The following VPS39 variants were observed in gnomAD, a reference collection of about 807,000 sequenced individuals.
The protein encoded by VPS39 is VPS39 subunit of HOPS complex, also known as vam6/Vps39-like protein.
A neutral mutation model predicts 121.0 loss-of-function variants in VPS39; 70 were observed. The ratio of observed to expected loss-of-function variants is 0.58; its 90% CI spans 0.48 to 0.71. The LOEUF (loss-of-function observed/expected upper bound fraction) is 0.71, where lower values mean the gene tolerates loss of function less well. Among genes scored for constraint, VPS39 ranks in the 30% least tolerant of loss-of-function variants. The pLI is 0.00. For missense variants in VPS39, 818 were observed against 1,051.5 expected (o/e 0.78, Z 3.07); for synonymous variants, 378 against 398.1 (o/e 0.95, Z 0.60).
chr15:42,166,040 T>G, intron 16 of VPS39, 119 bp downstream of exon 16: 2 of 1,143,432 alleles, frequency 1.7e-6, no homozygotes, highest in Non-Finnish European at 2.6e-6. Context: ...GTCCACCCTT[T>G]CTTCATGCAC....
intron 2 of VPS39, 28 bp downstream of exon 2, chr15:42,199,868 T>G (rs2140889337): frequency 6.4e-7 from 1 of 1,553,178 alleles, no homozygotes; most frequent in East Asian, 2.4e-5. Context: ...TTAAAACTTA[T>G]TTTTTTGCAT....
At chr15:42,196,321 G>T (rs1199009075) in intron 2 of VPS39, among the ~76,000 whole-genome samples, 3 of 152,068 alleles carry the variant, frequency 2.0e-5, no homozygotes, top group Non-Finnish European at 4.4e-5. Context: ...ATTGACAAAT[G>T]GGATCTAATT....
intron 1 of VPS39, among the ~76,000 whole-genome samples, chr15:42,204,843 C>T (rs902140355): frequency 6.6e-6 from 1 of 151,918 alleles, no homozygotes; most frequent in African/African-American, 2.4e-5. Flanking sequence ...TCCATTGTTT[C>T]TCTGGAAAAT....
At position 42,178,168 on chromosome 15, in the gene VPS39, C is replaced by T. The variant is rs372379712; in HGVS notation, c.960+50G>A. The T allele has an allele frequency of 1.9e-6, 3 of 1,607,188 alleles. 1 individual carries two copies. The South Asian group carries it at 3.3e-5, about 18-fold the overall frequency. ...ATATGAACATTGAAACCCAAATCACCTACTTTCAAGAACAATAAGGAAGGA... is the reference window on the plus strand; with the variant it reads ...ATATGAACATTGAAACCCAAATCACTTACTTTCAAGAACAATAAGGAAGGA... On this transcript the variant is annotated intron_variant, in intron 10 of 24. Transcript: ENST00000318006.
At chr15:42,162,761 G>C in intron 21 of VPS39, 1 of 308,544 alleles carries the variant, frequency 3.2e-6, no homozygotes, top group Non-Finnish European at 5.9e-6. Flanking sequence ...AATTCAAAAA[G>C]ATTCCTCATT....
rs1450626512 is a variant in VPS39 at position 42,166,205 on chromosome 15, G to A, written c.1634C>T (p.Ser545Phe). 2 of 1,614,244 alleles carry A rather than the reference G, an allele frequency of 1.2e-6. No individual in the cohort carries two copies. Among genetic ancestry groups the A allele is most frequent in the Non-Finnish European group, 1.7e-6 (2 of 1,180,042 alleles). Residue 545 changes from serine (S) to phenylalanine (F), a missense_variant, in exon 16 of 25, where the codon TCC becomes TTC. Coordinates refer to ENST00000318006, the MANE Select transcript of VPS39 (RefSeq NM_015289.5). ...GTCTCTCAGCACCCACACTGAGTAGGAGAAAATCAAATGCAGGTTTTCTGT... is the reference window on the plus strand; with the variant it reads ...GTCTCTCAGCACCCACACTGAGTAGAAGAAAATCAAATGCAGGTTTTCTGT... ...LGTENLHLIFSYSVWVLRDFP... is the reference protein window; with the variant it reads ...LGTENLHLIFFYSVWVLRDFP...
chr15:42,178,484 CAAT>C lies in VPS39; in HGVS notation c.802_804del (p.Ile268del). On this transcript the variant is annotated inframe_deletion, in exon 9 of 25. Coordinates refer to ENST00000318006, the MANE Select transcript of VPS39 (RefSeq NM_015289.5). ...GTAATGAAACGGGGCCTTTGCAATT[CAAT>C]GCTTTGGACCAGAAGCCTCGGTTCA... 1 of 1,614,148 alleles carries C rather than the reference CAAT, an allele frequency of 6.2e-7. No homozygotes were observed. Among genetic ancestry groups the C allele is most frequent in the Non-Finnish European group, 8.5e-7 (1 of 1,180,042 alleles).
chr15:42,199,658 T>C (rs371592505), intron 2 of VPS39: 184 of 518,216 alleles, frequency 3.6e-4, no homozygotes, highest in African/African-American at 3.3e-3. Flanking sequence ...TCACTACCAG[T>C]AATAAGTAAT....
At chr15:42,192,065 C>G in intron 2 of VPS39, 1 of 1,536,418 alleles carries the variant, frequency 6.5e-7, no homozygotes, top group Non-Finnish European at 8.7e-7. Context: ...TCTACACTTA[C>G]TGCCGCTTTC....
intron 1 of VPS39, 119 bp downstream of exon 1, chr15:42,207,962 T>G: frequency 9.2e-7 from 1 of 1,083,516 alleles, no homozygotes; most frequent in Non-Finnish European, 1.3e-6. Context: ...TAAGCCCCTC[T>G]CGTGTAGCAT....
intron 12 of VPS39, among the ~76,000 whole-genome samples, 198 bp from the exon 13 acceptor site, chr15:42,167,735 C>G (rs925870174): frequency 3.9e-5 from 6 of 152,042 alleles, no homozygotes; most frequent in Non-Finnish European, 2.9e-5. Flanking sequence ...GACCAGGCAC[C>G]ATGCCAAGCA....
intron 11 of VPS39, among the ~76,000 whole-genome samples, chr15:42,173,017 A>G (rs2049377337): frequency 6.6e-6 from 1 of 152,216 alleles, no homozygotes; most frequent in Non-Finnish European, 1.5e-5. Context: ...CAATCCAAGT[A>G]TATATAGATA....
intron 7 of VPS39, among the ~76,000 whole-genome samples, chr15:42,186,961 C>T (rs1003119577): frequency 2.6e-5 from 4 of 152,156 alleles, no homozygotes; most frequent in African/African-American, 4.8e-5. Context: ...GCACTGAAGC[C>T]TTAGGATAGC....
intron 12 of VPS39, among the ~76,000 whole-genome samples, 153 bp downstream of exon 12, chr15:42,169,571 G>A (rs895821405): frequency 6.6e-6 from 1 of 152,198 alleles, no homozygotes; most frequent in Non-Finnish European, 1.5e-5. Flanking sequence ...AAAGTTAGAA[G>A]TAGCAGAAAG....
chr15:42,179,184 C>CAA (rs2140860442), intron 8 of VPS39: 1 of 152,438 alleles, frequency 6.6e-6, no homozygotes, highest in African/African-American at 2.4e-5. Flanking sequence ...AAAGCCAGGC[C>CAA]AGACAAAGGC....
chr15:42,165,285 C>T lies in VPS39; in HGVS notation c.1780-172G>A, dbSNP rs566164285. 126 of 628,460 alleles carry T rather than the reference C, an allele frequency of 2.0e-4. 1 individual carries two copies. The East Asian group carries it at 2.6e-3, about 13-fold the overall frequency. The allele number at this position is 628,460 out of a possible 1,614,324, so 38.9% of individuals were successfully genotyped here. A position where few individuals can be genotyped will look rare whatever the true frequency, so the allele number is the denominator to read the frequency against. ...AAAGCCACCAGGAAGTTTCACAATGCGACCCAGTAACGTGAGGAGCCATCT... is the reference window on the plus strand; with the variant it reads ...AAAGCCACCAGGAAGTTTCACAATGTGACCCAGTAACGTGAGGAGCCATCT... On this transcript the variant is annotated intron_variant, in intron 17 of 24. Transcript: ENST00000318006.
intron 12 of VPS39, 109 bp from the exon 13 acceptor site, chr15:42,167,646 T>G: frequency 1.4e-6 from 2 of 1,402,176 alleles, no homozygotes; most frequent in Non-Finnish European, 1.9e-6. Flanking sequence ...ATTGGCCTGA[T>G]CTCACATTAG....
At chr15:42,178,184 TAAGG>T (rs774662194) in intron 10 of VPS39, 30 bp downstream of exon 10, 1 of 1,612,448 alleles carries the variant, frequency 6.2e-7, no homozygotes, top group African/African-American at 1.3e-5. Context: ...TCAAGAACAA[TAAGG>T]AAGGAAGACT....
At position 42,166,828 on chromosome 15, in the gene VPS39, G is replaced by A; in HGVS notation, c.1463C>T (p.Ala488Val). The A allele has an allele frequency of 1.2e-6, 2 of 1,614,236 alleles. No individual in the cohort carries two copies. Among genetic ancestry groups the A allele is most frequent in the Non-Finnish European group, 1.7e-6 (2 of 1,180,048 alleles). Residue 488 changes from alanine (A) to valine (V), a missense_variant, in exon 14 of 25, where the codon GCT (alanine) becomes GTT (valine). Coordinates refer to ENST00000318006, the MANE Select transcript of VPS39 (RefSeq NM_015289.5). ...IEESEHVLKK[A>V]HKYSELIILY... is the part of the protein sequence containing the mutation. ...GATGATAAGCTCACTGTACTTGTGA[G>A]CCTTCTTTAGCACGTGCTCGCTCTC...
Sources: allele counts gnomAD v4.1 joint callset (sites outside exome capture counted in the v4.1 genomes callset), GRCh38; gene constraint gnomAD v4.1.1; transcripts MANE v1.5; gene names NCBI Gene and HGNC (gene_info 2026-07-23, HGNC 2026-07-21).